CLSTN2: variants seen among roughly 807,000 people sequenced by gnomAD.
CLSTN2 encodes the protein calsyntenin-2.
In CLSTN2, 48 loss-of-function variants were observed where a neutral mutation model predicts 101.2. That is an observed-to-expected ratio of 0.47 (90% CI 0.38 to 0.60). CLSTN2 has a LOEUF of 0.60. CLSTN2 is among the 20% of genes least tolerant of loss of function. CLSTN2 has a pLI of 0.00. For synonymous variants in CLSTN2, 481 were observed against 463.6 expected (o/e 1.04, Z -0.48); for missense variants, 1,160 against 1,238.2 (o/e 0.94, Z 0.95).
chr3:140,508,452 T>A (rs1343961078), intron 8 of CLSTN2: 1 of 152,230 alleles, frequency 6.6e-6, no homozygotes, highest in Non-Finnish European at 1.5e-5. Flanking sequence ...ATGGCTATCA[T>A]ATCCCTTATA....
chr3:140,462,302 C>T (rs896999662), intron 7 of CLSTN2, among the ~76,000 whole-genome samples: 4 of 152,082 alleles, frequency 2.6e-5, no homozygotes, highest in African/African-American at 7.2e-5. Flanking sequence ...TAAAACTCTG[C>T]CATGTAGATT....
At chr3:140,523,496 A>G (rs1424045107) in intron 8 of CLSTN2, among the ~76,000 whole-genome samples, 1 of 152,016 alleles carries the variant, frequency 6.6e-6, no homozygotes, top group Non-Finnish European at 1.5e-5. Flanking sequence ...TTAATGTTAT[A>G]TTATATCCAG....
intron 8 of CLSTN2, among the ~76,000 whole-genome samples, chr3:140,516,172 C>T (rs1176037115): frequency 1.3e-5 from 2 of 151,928 alleles, no homozygotes; most frequent in African/African-American, 4.8e-5. Flanking sequence ...TGTTTGTGAC[C>T]ATTTGCATGG....
intron 1 of CLSTN2, among the ~76,000 whole-genome samples, chr3:140,069,882 A>G (rs1194592010): frequency 6.6e-6 from 1 of 152,228 alleles, no homozygotes; most frequent in African/African-American, 2.4e-5. Flanking sequence ...ATAAGCAGTT[A>G]GAACAAGGCT....
chr3:140,203,042 G>C (rs1302934279), intron 2 of CLSTN2, among the ~76,000 whole-genome samples: 1 of 152,168 alleles, frequency 6.6e-6, no homozygotes, highest in Non-Finnish European at 1.5e-5. Flanking sequence ...CAAGGTGGGA[G>C]GATCTGGCTC....
intron 1 of CLSTN2, among the ~76,000 whole-genome samples, chr3:140,113,481 C>T (rs896234856): frequency 5.9e-5 from 9 of 152,220 alleles, no homozygotes; most frequent in Non-Finnish European, 1.3e-4. Flanking sequence ...CGTCTCAGGC[C>T]TGTGCCCTTC....
At chr3:140,110,499 A>G (rs2009136356) in intron 1 of CLSTN2, among the ~76,000 whole-genome samples, 1 of 152,260 alleles carries the variant, frequency 6.6e-6, no homozygotes, top group Non-Finnish European at 1.5e-5. Flanking sequence ...TTCTAAGATC[A>G]GGACTTTTCA....
intron 1 of CLSTN2, among the ~76,000 whole-genome samples, chr3:139,968,580 C>G (rs1035038909): frequency 1.3e-5 from 2 of 152,208 alleles, no homozygotes; most frequent in African/African-American, 4.8e-5. Flanking sequence ...AAGCAGATGT[C>G]AGCACCTTGA....
chr3:140,138,314 C>T (rs1487591884), intron 1 of CLSTN2, among the ~76,000 whole-genome samples: 1 of 152,212 alleles, frequency 6.6e-6, no homozygotes, highest in Non-Finnish European at 1.5e-5. Context: ...GCCCTCACAG[C>T]TCTGCTGTCC....
intron 6 of CLSTN2, among the ~76,000 whole-genome samples, chr3:140,458,221 T>C (rs1376242919): frequency 6.6e-6 from 1 of 151,382 alleles, no homozygotes; most frequent in Non-Finnish European, 1.5e-5. Context: ...CTAGGTGAGA[T>C]GAGGCTCTGA....
chr3:140,356,955 C>A (rs948527339), intron 2 of CLSTN2, among the ~76,000 whole-genome samples: 2 of 152,086 alleles, frequency 1.3e-5, no homozygotes, highest in Non-Finnish European at 2.9e-5. Context: ...GTTGGCATGA[C>A]CCTCCATTTT....
chr3:140,190,915 T>C (rs2107836224), intron 2 of CLSTN2, among the ~76,000 whole-genome samples: 1 of 152,208 alleles, frequency 6.6e-6, no homozygotes, highest in Non-Finnish European at 1.5e-5. Flanking sequence ...ATTTCCTTTT[T>C]ATTGTCTTTA....
chr3:140,344,552 C>T (rs187575793), intron 2 of CLSTN2, among the ~76,000 whole-genome samples: 1 of 152,256 alleles, frequency 6.6e-6, no homozygotes, highest in East Asian at 1.9e-4. Flanking sequence ...TTTTTGTGTG[C>T]CATCCCTTTG....
chr3:140,161,502 A>C (rs1284217503), intron 1 of CLSTN2, among the ~76,000 whole-genome samples: 2 of 152,178 alleles, frequency 1.3e-5, no homozygotes, highest in African/African-American at 4.8e-5. Context: ...TATTACCTAC[A>C]CAGTATCACA....
intron 1 of CLSTN2, among the ~76,000 whole-genome samples, chr3:140,017,395 A>G (rs758848210): frequency 1.3e-5 from 2 of 152,236 alleles, no homozygotes; most frequent in Admixed American, 6.5e-5. Flanking sequence ...TTGGATAGGC[A>G]TAGCTACAGA....
At chr3:140,288,933 A>C (rs1157319868) in intron 2 of CLSTN2, among the ~76,000 whole-genome samples, 2 of 125,368 alleles carry the variant, frequency 1.6e-5, no homozygotes, top group African/African-American at 6.3e-5. Flanking sequence ...GCCTCCCCAG[A>C]CACTCTCCTC....
chr3:140,428,587 C>T (rs2088597039), intron 5 of CLSTN2, among the ~76,000 whole-genome samples: 1 of 152,192 alleles, frequency 6.6e-6, no homozygotes, highest in African/African-American at 2.4e-5. Flanking sequence ...CTCACCTCAT[C>T]CGTGAGTGTG....
intron 1 of CLSTN2, among the ~76,000 whole-genome samples, chr3:140,112,242 A>C (rs1428730722): frequency 6.6e-6 from 1 of 152,184 alleles, no homozygotes; most frequent in Admixed American, 6.5e-5. Flanking sequence ...CCATCCTTTA[A>C]CTACTTGTCT....
At chr3:140,345,948 C>T (rs2087542533) in intron 2 of CLSTN2, among the ~76,000 whole-genome samples, 1 of 152,206 alleles carries the variant, frequency 6.6e-6, no homozygotes, top group South Asian at 2.1e-4. Context: ...CAATATGGTA[C>T]ACTTGGATGT....
Sources: allele counts gnomAD v4.1 joint callset (sites outside exome capture counted in the v4.1 genomes callset), GRCh38; gene constraint gnomAD v4.1.1; transcripts MANE v1.5; gene names NCBI Gene and HGNC (gene_info 2026-07-23, HGNC 2026-07-21).